CCDC50: variants seen among roughly 807,000 people sequenced by gnomAD.
The protein encoded by CCDC50 is coiled-coil domain-containing protein 50.
A neutral mutation model predicts 70.2 loss-of-function variants in CCDC50; 54 were observed. The observed-to-expected ratio is 0.77, with a 90% CI of 0.62 to 0.96. The LOEUF (loss-of-function observed/expected upper bound fraction) is 0.96. CCDC50 is among the 50% of genes least tolerant of loss of function. The pLI is 0.00. For synonymous variants in CCDC50, 216 were observed against 198.8 expected, an observed-to-expected ratio of 1.09 and a Z score of -0.73; for missense variants, 558 against 578.7, an observed-to-expected ratio of 0.96 and a Z score of 0.37.
Position 191,338,761 on chromosome 3 carries a change from A to C in CCDC50, c.49+9038A>C, listed in dbSNP as rs142912630. Among the ~76,000 whole-genome samples, 622 of 152,284 alleles carry C rather than the reference A, an allele frequency of 4.1e-3. 2 individuals are homozygous for C. The highest frequency in any genetic ancestry group is 0.014 in the African/African-American group (600 of 41,572). On this transcript the variant is annotated intron_variant, in intron 1 of 11. Transcript: ENST00000392455. ...GTTGTATGAGTTGTTCCAGCTCTCA[A>C]ATTTCTATAAGAAGTTGATTGGTGT...
At chr3:191,371,352 T>C (rs1375033608) in intron 5 of CCDC50, among the ~76,000 whole-genome samples, 1 of 152,156 alleles carries the variant, frequency 6.6e-6, no homozygotes, top group African/African-American at 2.4e-5. Flanking sequence ...CGAGTCCTTC[T>C]CAAAGACTTG....
intron 6 of CCDC50, among the ~76,000 whole-genome samples, chr3:191,377,648 T>G (rs1409907353): frequency 6.6e-6 from 1 of 152,144 alleles, no homozygotes; most frequent in Non-Finnish European, 1.5e-5. Flanking sequence ...TTACAAATAC[T>G]CTTACATGAT....
Position 191,336,516 on chromosome 3 carries a change from ATTTTC to A in CCDC50, c.49+6796_49+6800del, listed in dbSNP as rs933087374. Among the ~76,000 whole-genome samples, 88 of 151,996 alleles carry A rather than the reference ATTTTC, an allele frequency of 5.8e-4. 1 individual carries two copies. The highest frequency in any genetic ancestry group is 2.1e-3 in the African/African-American group (87 of 41,374). ...ATTTTAGCTCATTTTAAAATCGACT[ATTTTC>A]TTATTATTGAATTTGGGAGTTCTTT... On this transcript the variant is annotated intron_variant, in intron 1 of 11. Coordinates refer to ENST00000392455, the MANE Select transcript of CCDC50 (RefSeq NM_178335.3).
chr3:191,374,264 A>G (rs1384772494), intron 5 of CCDC50, among the ~76,000 whole-genome samples: 2 of 152,196 alleles, frequency 1.3e-5, no homozygotes, highest in Non-Finnish European at 2.9e-5. Flanking sequence ...TATACTTAGC[A>G]TATATTATAT....
Position 191,380,847 on chromosome 3 carries a change from T to C in CCDC50, c.1157T>C (p.Met386Thr), listed in dbSNP as rs775687066. The C allele has an allele frequency of 3.1e-6, 5 of 1,612,932 alleles. No homozygotes were observed. The highest frequency in any genetic ancestry group is 4.2e-6 in the Non-Finnish European group (5 of 1,179,232). The change falls in exon 9 of 12, where the codon ATG becomes ACG. Residue 386 changes from methionine (M) to threonine (T), a missense_variant. Met to Thr is a moderately conservative substitution (Grantham distance 81, BLOSUM62 -1). Transcript: ENST00000392455. ...GTTTAGGAAATCGCTCGACTTCTAA[T>C]GGCTGAAGAAAAGAAAGCTTACAAA... ...AQDEEIARLL[M>T]AEEKKAYKKA...
At chr3:191,350,665 T>A (rs1326842099) in intron 1 of CCDC50, among the ~76,000 whole-genome samples, 1 of 141,868 alleles carries the variant, frequency 7.0e-6, no homozygotes, top group African/African-American at 2.5e-5. Flanking sequence ...GAAAGGAACG[T>A]GTAGCCGTTC....
At chr3:191,335,873 C>A (rs1245607255) in intron 1 of CCDC50, among the ~76,000 whole-genome samples, 1 of 151,822 alleles carries the variant, frequency 6.6e-6, no homozygotes, top group Non-Finnish European at 1.5e-5. Flanking sequence ...GTCTTGGAAC[C>A]ACCACAACAA....
intron 4 of CCDC50, among the ~76,000 whole-genome samples, chr3:191,367,935 C>T (rs1712754627): frequency 6.6e-6 from 1 of 152,022 alleles, no homozygotes; most frequent in Admixed American, 6.6e-5. Context: ...CCGTTCCTCT[C>T]TTCCTGATTG....
chr3:191,329,484 C>T lies in CCDC50; in HGVS notation c.-191C>T, dbSNP rs1291304842. 7.8e-6 allele frequency: 4 copies of T among 514,822 alleles called. No individual in the cohort carries two copies. The highest frequency in any genetic ancestry group is 6.4e-5 in the South Asian group (2 of 31,048). The allele number at this position is 514,822 out of a possible 1,614,324, so 31.9% of individuals were successfully genotyped here. ...GGCAGCTGGGCCGCCAGCTTGGTGC[C>T]TCGGGGACCGTCTCCCGCTGCTTTG... On this transcript the variant is annotated 5_prime_UTR_variant, in exon 1 of 12. Transcript: ENST00000392455.
At position 191,392,824 on chromosome 3, in the gene CCDC50, G is replaced by A. The variant is rs6444542; in HGVS notation, c.*1064G>A. 0.16 allele frequency: 25,044 copies of A among 152,084 alleles called. 3,255 individuals are homozygous for A. Among genetic ancestry groups the A allele is most frequent in the African/African-American group, 0.36 (14,959 of 41,406 alleles). 9.4% of individuals were successfully genotyped at this position (152,084 alleles called of 1,614,324 possible). ...GCAATCTTGGCTCACTGCAACCTCC[G>A]CCACCTGGGCTGGAGCAATTCCCCT... On this transcript the variant is annotated 3_prime_UTR_variant, in exon 12 of 12. Coordinates refer to ENST00000392455, the MANE Select transcript of CCDC50 (RefSeq NM_178335.3).
intron 3 of CCDC50, among the ~76,000 whole-genome samples, chr3:191,360,332 G>A (rs989729396): frequency 2.6e-5 from 4 of 152,208 alleles, no homozygotes; most frequent in Admixed American, 2.0e-4. Flanking sequence ...TACATCTTCT[G>A]TGTCACTTGT....
chr3:191,386,985 A>G (rs534504230), intron 10 of CCDC50, among the ~76,000 whole-genome samples: 3 of 152,304 alleles, frequency 2.0e-5, no homozygotes, highest in Admixed American at 6.5e-5. Flanking sequence ...GGAAAATTAA[A>G]TATTTTCTAA....
chr3:191,385,862 A>C (rs1713475847), intron 10 of CCDC50, among the ~76,000 whole-genome samples: 1 of 151,798 alleles, frequency 6.6e-6, no homozygotes, highest in East Asian at 1.9e-4. Context: ...TTTTCCCAGC[A>C]CCATTTTTTG....
rs1712103103 is a variant in CCDC50, at chr3:191,351,419, CTATT to C, written c.50-5667_50-5664del. Among the ~76,000 whole-genome samples the C allele has an allele frequency of 2.1e-5, 3 of 141,032 alleles. No homozygotes were observed. The South Asian group carries it at 6.7e-4, about 31-fold the overall frequency. 92.5% of individuals were successfully genotyped at this position (141,032 alleles called of 152,430 possible). ...TTATTAAAATATACAAATTTTGTCT[CTATT>C]TTTCTACTGATTGCCAAGGGGAGGG... is the stretch of plus-strand genomic sequence containing the variant. On this transcript the variant is annotated intron_variant, in intron 1 of 11. Coordinates refer to ENST00000392455, the MANE Select transcript of CCDC50 (RefSeq NM_178335.3).
chr3:191,388,477 G>A (rs1478689220), intron 10 of CCDC50, among the ~76,000 whole-genome samples: 2 of 152,126 alleles, frequency 1.3e-5, no homozygotes, highest in East Asian at 3.8e-4. Context: ...TGTCCTGAAA[G>A]TTAATTGAGA....
At chr3:191,365,613 G>C (rs1238549307) in intron 4 of CCDC50, among the ~76,000 whole-genome samples, 1 of 152,136 alleles carries the variant, frequency 6.6e-6, no homozygotes, top group Non-Finnish European at 1.5e-5. Flanking sequence ...TGCCGAGTTA[G>C]ATGTTAATAT....
intron 6 of CCDC50, 141 bp downstream of exon 6, chr3:191,375,730 TATA>T (rs1349188104): frequency 1.1e-6 from 1 of 881,168 alleles, no homozygotes; most frequent in Non-Finnish European, 1.8e-6. Context: ...AGCAACATAT[TATA>T]AAAGGTATAC....
At chr3:191,338,917 T>G (rs539918654) in intron 1 of CCDC50, among the ~76,000 whole-genome samples, 14 of 152,308 alleles carry the variant, frequency 9.2e-5, no homozygotes, top group Middle Eastern at 3.4e-3. Flanking sequence ...ATATGGTCAT[T>G]TTGTTGCTGT....
chr3:191,337,517 G>C (rs1211906338), intron 1 of CCDC50, among the ~76,000 whole-genome samples: 2 of 151,776 alleles, frequency 1.3e-5, no homozygotes, highest in Admixed American at 1.3e-4. Flanking sequence ...GCTAATTTTT[G>C]TATTTTTAGT....
Sources: allele counts gnomAD v4.1 joint callset (sites outside exome capture counted in the v4.1 genomes callset), GRCh38; gene constraint gnomAD v4.1.1; transcripts MANE v1.5; gene names NCBI Gene and HGNC (gene_info 2026-07-23, HGNC 2026-07-21).